The following FAM107B variants were observed in gnomAD, a reference collection of about 807,000 sequenced individuals.
FAM107B encodes the protein protein FAM107B.
A neutral mutation model predicts 31.5 loss-of-function variants in FAM107B; 21 were observed. That is an observed-to-expected ratio of 0.67 (90% CI 0.47 to 0.96). FAM107B has a LOEUF of 0.96. FAM107B is among the 40% of genes least tolerant of loss of function. The pLI, the probability that FAM107B is intolerant of heterozygous loss-of-function variation, is 0.00. For missense variants in FAM107B, 452 were observed against 377.1 expected (o/e 1.20, Z -1.64); for synonymous variants, 157 against 141.5 (o/e 1.11, Z -0.78).
At chr10:14,642,959 C>T (rs1249453337) in intron 2 of FAM107B, among the ~76,000 whole-genome samples, 1 of 152,110 alleles carries the variant, frequency 6.6e-6, no homozygotes, top group Non-Finnish European at 1.5e-5. Flanking sequence ...TTTTAGTGTG[C>T]ACCCCCAAAT....
intron 1 of FAM107B, among the ~76,000 whole-genome samples, chr10:14,749,033 A>C (rs541784629): frequency 6.6e-6 from 1 of 152,286 alleles, no homozygotes; most frequent in East Asian, 1.9e-4. Flanking sequence ...CCTTTAAAAT[A>C]AGAAAAAGAG....
chr10:14,762,423 A>G (rs147570211), intron 1 of FAM107B, among the ~76,000 whole-genome samples: 46 of 152,280 alleles, frequency 3.0e-4, no homozygotes, highest in African/African-American at 1.1e-3. Context: ...TTAGCATAAG[A>G]GACTTGGGAC....
chr10:14,655,971 A>C (rs953869805), intron 2 of FAM107B, among the ~76,000 whole-genome samples: 2 of 152,174 alleles, frequency 1.3e-5, no homozygotes, highest in Admixed American at 6.5e-5. Context: ...GGTCACAGGC[A>C]CTGAAGTGAA....
intron 2 of FAM107B, among the ~76,000 whole-genome samples, chr10:14,564,506 TAA>T (rs767006571): frequency 2.2e-4 from 30 of 138,256 alleles, no homozygotes; most frequent in African/African-American, 1.8e-4. Context: ...CTTATTTGTT[TAA>T]AAAAAAAAAA....
intron 2 of FAM107B, among the ~76,000 whole-genome samples, chr10:14,640,404 G>T (rs1853599791): frequency 6.6e-6 from 1 of 152,124 alleles, no homozygotes; most frequent in Admixed American, 6.6e-5. Flanking sequence ...TGCCTCCATT[G>T]ATCACTTTAG....
At chr10:14,711,339 C>T (rs1465539508) in intron 1 of FAM107B, among the ~76,000 whole-genome samples, 1 of 152,232 alleles carries the variant, frequency 6.6e-6, no homozygotes. Flanking sequence ...AGGGCAACTT[C>T]CAGTCCTGCA....
intron 2 of FAM107B, among the ~76,000 whole-genome samples, chr10:14,606,258 T>C (rs544372483): frequency 6.6e-6 from 1 of 152,164 alleles, no homozygotes; most frequent in African/African-American, 2.4e-5. Flanking sequence ...TAGCAGACCT[T>C]CACCAATCCC....
intron 1 of FAM107B, among the ~76,000 whole-genome samples, chr10:14,771,122 G>A (rs1273206722): frequency 6.6e-6 from 1 of 152,096 alleles, no homozygotes; most frequent in African/African-American, 2.4e-5. Context: ...CATCTGCTAA[G>A]GGAAAACATG....
At chr10:14,771,520 T>A (rs908101202) in intron 1 of FAM107B, among the ~76,000 whole-genome samples, 1 of 151,924 alleles carries the variant, frequency 6.6e-6, no homozygotes, top group Non-Finnish European at 1.5e-5. Context: ...GTGTTTGAGG[T>A]GGTAGATATC....
At chr10:14,644,042 G>T (rs899541556) in intron 2 of FAM107B, among the ~76,000 whole-genome samples, 7 of 152,204 alleles carry the variant, frequency 4.6e-5, no homozygotes, top group Non-Finnish European at 1.0e-4. Context: ...CCAGTAATGA[G>T]AAGGAGACAT....
At chr10:14,761,148 C>T (rs1016542414) in intron 1 of FAM107B, among the ~76,000 whole-genome samples, 8 of 151,394 alleles carry the variant, frequency 5.3e-5, no homozygotes, top group African/African-American at 1.2e-4. Flanking sequence ...TTTGTGCTTA[C>T]TCAGTAATAA....
chr10:14,570,937 G>A (rs1420763824), intron 2 of FAM107B, among the ~76,000 whole-genome samples: 2 of 151,604 alleles, frequency 1.3e-5, no homozygotes, highest in African/African-American at 4.9e-5. Flanking sequence ...CAAATCAAGT[G>A]CTATTTTGCT....
intron 2 of FAM107B, among the ~76,000 whole-genome samples, chr10:14,577,998 T>G (rs1851516729): frequency 6.6e-6 from 1 of 152,170 alleles, no homozygotes; most frequent in African/African-American, 2.4e-5. Flanking sequence ...CAGTGGAACT[T>G]AGTCCTAAAG....
At chr10:14,674,714 A>G (rs972276525) in intron 1 of FAM107B, among the ~76,000 whole-genome samples, 3 of 152,178 alleles carry the variant, frequency 2.0e-5, no homozygotes, top group African/African-American at 7.2e-5. Flanking sequence ...AACTCCTTCC[A>G]AGGGGAAACA....
chr10:14,740,329 A>G (rs920240777), intron 1 of FAM107B, among the ~76,000 whole-genome samples: 4 of 152,246 alleles, frequency 2.6e-5, no homozygotes, highest in East Asian at 1.9e-4. Context: ...CACTAAATGC[A>G]TATTGCTAAG....
chr10:14,602,032 G>A (rs113834630), intron 2 of FAM107B, among the ~76,000 whole-genome samples: 87 of 152,320 alleles, frequency 5.7e-4, no homozygotes, highest in African/African-American at 2.0e-3. Flanking sequence ...ACCCAAGGAA[G>A]GGGATCTCCA....
At chr10:14,651,217 G>A in intron 2 of FAM107B, among the ~76,000 whole-genome samples, 1 of 152,128 alleles carries the variant, frequency 6.6e-6, no homozygotes, top group East Asian at 1.9e-4. Flanking sequence ...TTAGAGCTTG[G>A]GCTATAACTG....
chr10:14,575,472 G>T (rs1851436594), intron 2 of FAM107B, among the ~76,000 whole-genome samples: 1 of 152,110 alleles, frequency 6.6e-6, no homozygotes, highest in East Asian at 1.9e-4. Context: ...GAGAGTGCTG[G>T]GATTACAGGT....
intron 1 of FAM107B, among the ~76,000 whole-genome samples, chr10:14,739,592 G>C (rs1856388632): frequency 6.6e-6 from 1 of 151,222 alleles, no homozygotes; most frequent in Admixed American, 6.6e-5. Context: ...TATCATCAGT[G>C]CCTGGCATAT....
Sources: gnomAD v4.1 joint callset for allele counts (sites outside exome capture counted in the v4.1 genomes callset) on GRCh38, gnomAD v4.1.1 for gene constraint, MANE v1.5 for transcripts, NCBI Gene and HGNC (gene_info 2026-07-23, HGNC 2026-07-21) for gene names.